The following LRMDA variants were observed in gnomAD, a reference collection of about 807,000 sequenced individuals.
LRMDA encodes the protein leucine rich melanocyte differentiation associated.
Under a neutral mutation model 29.8 loss-of-function variants are expected in LRMDA, and 18 were observed. The ratio of observed to expected loss-of-function variants is 0.60; its 90% CI spans 0.42 to 0.90. The LOEUF (loss-of-function observed/expected upper bound fraction) is 0.90, where lower values mean the gene tolerates loss of function less well. Ranked by LOEUF, LRMDA falls within the 40% of genes least tolerant of loss-of-function variation. The pLI, the probability that LRMDA is intolerant of heterozygous loss-of-function variation, is 0.00. For missense variants in LRMDA, 273 were observed against 273.9 expected (o/e 1.00, Z 0.02); for synonymous variants, 125 against 109.4 (o/e 1.14, Z -0.89).
At chr10:76,442,652 A>G (rs994733653) in intron 6 of LRMDA, among the ~76,000 whole-genome samples, 2 of 152,144 alleles carry the variant, frequency 1.3e-5, no homozygotes, top group African/African-American at 4.8e-5. Flanking sequence ...TGAACACACC[A>G]CTGCACTGGG....
At chr10:75,991,261 G>A (rs767914030) in intron 2 of LRMDA, among the ~76,000 whole-genome samples, 5 of 152,096 alleles carry the variant, frequency 3.3e-5, no homozygotes, top group Non-Finnish European at 5.9e-5. Context: ...TATAGAATGG[G>A]TATGAAATGA....
At chr10:75,522,114 G>A (rs1845368263) in intron 2 of LRMDA, among the ~76,000 whole-genome samples, 1 of 152,208 alleles carries the variant, frequency 6.6e-6, no homozygotes. Context: ...TCCGTGTACA[G>A]CACCCCTCTT....
chr10:75,851,097 A>G (rs1844725375), intron 2 of LRMDA, among the ~76,000 whole-genome samples: 1 of 152,078 alleles, frequency 6.6e-6, no homozygotes. Context: ...TGCTGATGGG[A>G]CTTAATTTTC....
Position 75,663,257 on chromosome 10 carries a change from C to T in LRMDA, c.131+224763C>T, listed in dbSNP as rs1386806890. On this transcript the variant is annotated intron_variant, in intron 2 of 6. Transcript: ENST00000611255. Reference sequence around the variant, plus strand: ...CTCCTCCTCCCCGCCCTTAATGGGCCAAGGCTGTACTTCTGTTAGTGGATT... The same window carrying T: ...CTCCTCCTCCCCGCCCTTAATGGGCTAAGGCTGTACTTCTGTTAGTGGATT... Among the ~76,000 whole-genome samples the T allele has an allele frequency of 4.6e-5, 7 of 152,128 alleles. No homozygotes were observed. The East Asian group carries it at 1.4e-3, about 29-fold the overall frequency.
At chr10:75,620,361 T>G (rs1420943330) in intron 2 of LRMDA, among the ~76,000 whole-genome samples, 2 of 152,236 alleles carry the variant, frequency 1.3e-5, no homozygotes, top group African/African-American at 2.4e-5. Context: ...TTAAAAAATA[T>G]CAGCCTTGAT....
At chr10:76,432,490 A>G (rs1842201370) in intron 6 of LRMDA, among the ~76,000 whole-genome samples, 1 of 152,170 alleles carries the variant, frequency 6.6e-6, no homozygotes, top group African/African-American at 2.4e-5. Context: ...GAATTCTAGC[A>G]TTCCAATGAG....
chr10:75,978,064 C>A lies in LRMDA; in HGVS notation c.132-57944C>A, dbSNP rs548963128. Among the ~76,000 whole-genome samples, 116 of 152,180 alleles carry A rather than the reference C, an allele frequency of 7.6e-4. 1 individual carries two copies. The highest frequency in any genetic ancestry group is 1.4e-3 in the Non-Finnish European group (94 of 68,030). On this transcript the variant is annotated intron_variant, in intron 2 of 6. Coordinates refer to ENST00000611255, the MANE Select transcript of LRMDA (RefSeq NM_001305581.2). ...CCAGGGCTATTCAGTTCATTGGCTA[C>A]AACTTAGGGGACAGATCCTCTCAGT...
In LRMDA at chr10:75,897,817, C is replaced by CTTTTTTTT. The variant is rs3042518; in HGVS notation, c.132-138175_132-138168dup. On this transcript the variant is annotated intron_variant, in intron 2 of 6. Coordinates refer to ENST00000611255, the MANE Select transcript of LRMDA (RefSeq NM_001305581.2). ...GTTTTGCTAAAGCACTTCTTCCTGC[C>CTTTTTTTT]TTTTTTTTTTTTTTTTTTTTTTTGA... 3.6e-4 allele frequency among the ~76,000 whole-genome samples: 28 copies of CTTTTTTTT among 78,422 alleles called. 2 individuals are homozygous for CTTTTTTTT. The highest frequency in any genetic ancestry group is 5.7e-4 in the Admixed American group (3 of 5,276). 51.4% of individuals were successfully genotyped at this position (78,422 alleles called of 152,430 possible).
rs535882159 is a variant in LRMDA at position 75,800,566 on chromosome 10, CA to C, written c.132-235439del. Among the ~76,000 whole-genome samples, 16 of 152,036 alleles carry C rather than the reference CA, an allele frequency of 1.1e-4. No individual in the cohort carries two copies. The South Asian group carries it at 3.1e-3, about 30-fold the overall frequency. ...GATTCTTCAAGTGAATTTTTCATTT[CA>C]AATATTTTACCTTTCAATTACAGAA... On this transcript the variant is annotated intron_variant, in intron 2 of 6. Coordinates refer to ENST00000611255, the MANE Select transcript of LRMDA (RefSeq NM_001305581.2).
chr10:75,823,685 A>ACTGT (rs1844201556), intron 2 of LRMDA, among the ~76,000 whole-genome samples: 1 of 144,066 alleles, frequency 6.9e-6, no homozygotes, highest in African/African-American at 2.6e-5. Flanking sequence ...ATTAAAATGT[A>ACTGT]GTGTGTGTGT....
chr10:75,680,289 A>G (rs1249087905), intron 2 of LRMDA, among the ~76,000 whole-genome samples: 2 of 152,250 alleles, frequency 1.3e-5, no homozygotes, highest in Non-Finnish European at 2.9e-5. Context: ...GGATTTAGCC[A>G]GTTGGACTCC....
intron 2 of LRMDA, among the ~76,000 whole-genome samples, chr10:76,013,598 T>G (rs1166935524): frequency 6.6e-6 from 1 of 152,100 alleles, no homozygotes; most frequent in Non-Finnish European, 1.5e-5. Context: ...TAAAATGTGT[T>G]AATAGAAAGC....
chr10:75,584,102 C>T (rs949271946), intron 2 of LRMDA, among the ~76,000 whole-genome samples: 4 of 152,188 alleles, frequency 2.6e-5, no homozygotes, highest in African/African-American at 9.7e-5. Context: ...TCAGACTTTA[C>T]TCTAAGACAA....
At chr10:76,072,183 A>G (rs984443173) in intron 5 of LRMDA, among the ~76,000 whole-genome samples, 4 of 152,196 alleles carry the variant, frequency 2.6e-5, no homozygotes, top group African/African-American at 9.6e-5. Context: ...AGCCCCTGCC[A>G]CAAGAGCAGT....
chr10:76,174,648 A>G (rs1850899390), intron 5 of LRMDA, among the ~76,000 whole-genome samples: 1 of 152,176 alleles, frequency 6.6e-6, no homozygotes, highest in Non-Finnish European at 1.5e-5. Context: ...CCCTATTCAT[A>G]TGGCCTCATA....
At chr10:76,550,822 C>CT (rs1434502042) in intron 6 of LRMDA, among the ~76,000 whole-genome samples, 1 of 152,100 alleles carries the variant, frequency 6.6e-6, no homozygotes, top group Non-Finnish European at 1.5e-5. Flanking sequence ...CCCCTAAGAC[C>CT]TTTTAAAGTC....
chr10:76,388,383 C>G (rs1841685008), intron 6 of LRMDA, among the ~76,000 whole-genome samples: 1 of 152,146 alleles, frequency 6.6e-6, no homozygotes, highest in Admixed American at 6.5e-5. Flanking sequence ...GCTGGGAAGA[C>G]ATGAATGCTA....
intron 2 of LRMDA, among the ~76,000 whole-genome samples, chr10:75,609,759 G>A (rs796331997): frequency 2.0e-5 from 3 of 152,308 alleles, no homozygotes; most frequent in Non-Finnish European, 2.9e-5. Context: ...ACCAGGCTGC[G>A]ATATGCGTGC....
intron 5 of LRMDA, among the ~76,000 whole-genome samples, chr10:76,251,177 C>G (rs1016759627): frequency 1.4e-5 from 2 of 146,188 alleles, no homozygotes; most frequent in Non-Finnish European, 3.0e-5. Context: ...ACACTGATAT[C>G]ATGACTTAGA....
Sources: gnomAD v4.1 joint callset for allele counts (sites outside exome capture counted in the v4.1 genomes callset) on GRCh38, gnomAD v4.1.1 for gene constraint, MANE v1.5 for transcripts, NCBI Gene and HGNC (gene_info 2026-07-23, HGNC 2026-07-21) for gene names.